The following TUT4 variants were observed in gnomAD, a reference collection of about 807,000 sequenced individuals.
The protein encoded by TUT4 is terminal uridylyl transferase 4.
A neutral mutation model predicts 192.2 loss-of-function variants in TUT4; 36 were observed. That is an observed-to-expected ratio of 0.19 (90% confidence interval 0.14 to 0.25). TUT4 has a LOEUF of 0.25. Among genes scored for constraint, TUT4 ranks in the 10% least tolerant of loss-of-function variants. The probability of loss-of-function intolerance (pLI) is 1.00; values close to 1 mark genes in which losing one functional copy is unlikely to be tolerated. For synonymous variants in TUT4, 618 were observed against 666.0 expected, an observed-to-expected ratio of 0.93 and a Z score of 1.11; for missense variants, 1,493 against 1,957.2, an observed-to-expected ratio of 0.76 and a Z score of 4.47.
At chr1:52,496,891 T>G in intron 5 of TUT4, 115 bp downstream of exon 5, 6 of 1,017,002 alleles carry the variant, frequency 5.9e-6, no homozygotes, top group Non-Finnish European at 6.9e-6. Context: ...ACAATAAATT[T>G]TATCTACTTT....
chr1:52,534,488 G>A (rs1405878184), intron 1 of TUT4, among the ~76,000 whole-genome samples: 1 of 152,104 alleles, frequency 6.6e-6, no homozygotes, highest in South Asian at 2.1e-4. Flanking sequence ...CCAACCAGAA[G>A]TAAATTTTAT....
At chr1:52,539,245 T>C (rs1163838263) in intron 1 of TUT4, among the ~76,000 whole-genome samples, 1 of 152,070 alleles carries the variant, frequency 6.6e-6, no homozygotes, top group Non-Finnish European at 1.5e-5. Flanking sequence ...GAAAGTAGAG[T>C]TGAATATCAC....
At chr1:52,543,844 T>C (rs879436915) in intron 1 of TUT4, among the ~76,000 whole-genome samples, 2 of 152,068 alleles carry the variant, frequency 1.3e-5, no homozygotes, top group Non-Finnish European at 2.9e-5. Context: ...GCAATCCCTA[T>C]CAAAATTCCA....
intron 19 of TUT4, among the ~76,000 whole-genome samples, chr1:52,459,779 G>A (rs1388614114): frequency 6.6e-6 from 1 of 151,544 alleles, no homozygotes; most frequent in Admixed American, 6.5e-5. Context: ...TACTCTGGAG[G>A]CTGAGGCAGG....
chr1:52,519,099 T>A (rs1457329701), intron 2 of TUT4, among the ~76,000 whole-genome samples: 3 of 152,076 alleles, frequency 2.0e-5, no homozygotes, highest in Non-Finnish European at 4.4e-5. Context: ...TTATTCAGAA[T>A]AATCAAAAGA....
chr1:52,481,617 T>C lies in TUT4; in HGVS notation c.1654A>G (p.Lys552Glu), dbSNP rs758064547. 6.2e-7 allele frequency: 1 copy of C among 1,613,482 alleles called. No individual in the cohort carries two copies. The highest frequency in any genetic ancestry group is 8.5e-7 in the Non-Finnish European group (1 of 1,179,926). Residue 552 changes from lysine to glutamate, a missense_variant, in exon 11 of 30, where the codon AAA becomes GAA. Transcript: ENST00000257177. ...TTCAGCTGAAAGTCATCCATTCTTTTTGGGTCAAAGCCTTCAATCTATATA... is the reference window on the plus strand; with the variant it reads ...TTCAGCTGAAAGTCATCCATTCTTTCTGGGTCAAAGCCTTCAATCTATATA... ...LGSWIEGFDP[K>E]RMDDFQLKGI...
At chr1:52,523,687 C>T (rs1367193500) in intron 2 of TUT4, among the ~76,000 whole-genome samples, 2 of 151,872 alleles carry the variant, frequency 1.3e-5, no homozygotes, top group Non-Finnish European at 2.9e-5. Flanking sequence ...CATATCTAAA[C>T]ATTACCAGTA....
intron 1 of TUT4, among the ~76,000 whole-genome samples, chr1:52,546,014 C>T (rs182740198): frequency 3.8e-4 from 58 of 151,574 alleles, no homozygotes; most frequent in African/African-American, 1.3e-3. Flanking sequence ...TCGCAAGCGC[C>T]CACAGTCCCA....
chr1:52,490,641 A>C lies in TUT4; in HGVS notation c.1388+91T>G. On this transcript the variant is annotated intron_variant, in intron 8 of 29. Transcript: ENST00000257177. ...TCATATTCATCCAAGGAGAAATCTAAAACAAAAACTTTTTCTCTTAAAGAT... is the reference window on the plus strand; with the variant it reads ...TCATATTCATCCAAGGAGAAATCTACAACAAAAACTTTTTCTCTTAAAGAT... 3 of 1,110,938 alleles carry C rather than the reference A, an allele frequency of 2.7e-6. No individual in the cohort carries two copies. In the South Asian group the frequency reaches 5.2e-5, roughly 19 times the overall value. The allele number at this position is 1,110,938 out of a possible 1,614,324, so 68.8% of individuals were successfully genotyped here. A position where few individuals can be genotyped will look rare whatever the true frequency, so the allele number is the denominator to read the frequency against.
intron 16 of TUT4, 156 bp from the exon 17 acceptor site, chr1:52,461,925 T>C (rs1007528213): frequency 2.0e-6 from 1 of 488,204 alleles, no homozygotes; most frequent in South Asian, 2.9e-5. Flanking sequence ...ACCTACAGTA[T>C]CAGCATAATC....
At chr1:52,534,725 T>C (rs1204205169) in intron 1 of TUT4, among the ~76,000 whole-genome samples, 1 of 149,158 alleles carries the variant, frequency 6.7e-6, no homozygotes, top group Non-Finnish European at 1.5e-5. Context: ...CAGCCAAATG[T>C]GGTGGCGCAT....
intron 4 of TUT4, among the ~76,000 whole-genome samples, chr1:52,502,469 C>T (rs959796482): frequency 3.3e-5 from 5 of 152,110 alleles, no homozygotes; most frequent in African/African-American, 9.7e-5. Flanking sequence ...TAATGAAATG[C>T]TCCATTTAAA....
chr1:52,525,622 T>C lies in TUT4; in HGVS notation c.659A>G (p.Asp220Gly). Residue 220 changes from aspartate (D) to glycine (G), a missense_variant, in exon 2 of 30, where the codon GAT becomes GGT. Coordinates refer to ENST00000257177, the MANE Select transcript of TUT4 (RefSeq NM_001009881.3). The part of the protein sequence containing the change: ...PRSQKQQTCT[D>G]NTGDSDDSAS... ...ACTATCATCAGAATCACCAGTATTA[T>C]CTGTACATGTCTGTTGCTTCTGAGA... is the stretch of plus-strand genomic sequence containing the variant. 6.2e-7 allele frequency: 1 copy of C among 1,614,138 alleles called. No homozygotes were observed. Among genetic ancestry groups the C allele is most frequent in the Middle Eastern group, 1.6e-4 (1 of 6,062 alleles).
chr1:52,445,737 G>T (rs1046802985), intron 24 of TUT4, 50 bp downstream of exon 24: 6 of 1,362,034 alleles, frequency 4.4e-6, no homozygotes. Flanking sequence ...TAAGTTTCTT[G>T]TTCTATTTAA....
In TUT4 at chr1:52,461,550, C is replaced by G; in HGVS notation, c.3194G>C (p.Ser1065Thr). Residue 1065 changes from serine (S) to threonine (T), a missense_variant, in exon 18 of 30, where the codon AGT (serine) becomes ACT (threonine). Physicochemically the swap from Ser to Thr is moderately conservative, Grantham distance 58. Transcript: ENST00000257177. ...TAAACTGATATCGCCTTCTAACCCACTTCGCCTGTGTTCAAATTTTACTAT... is the reference window on the plus strand; with the variant it reads ...TAAACTGATATCGCCTTCTAACCCAGTTCGCCTGTGTTCAAATTTTACTAT... ...VPIVKFEHRR[S>T]GLEGDISLYN... is the part of the protein sequence containing the mutation. The G allele has an allele frequency of 6.2e-7, 1 of 1,613,280 alleles. No individual in the cohort carries two copies. Among genetic ancestry groups the G allele is most frequent in the Non-Finnish European group, 8.5e-7 (1 of 1,179,622 alleles).
At chr1:52,546,968 CA>C (rs1688237861) in intron 1 of TUT4, among the ~76,000 whole-genome samples, 1 of 151,622 alleles carries the variant, frequency 6.6e-6, no homozygotes, top group Non-Finnish European at 1.5e-5. Flanking sequence ...CCTGTCTCTA[CA>C]AAAATAAATA....
At chr1:52,441,691 A>G (rs1374520311) in intron 24 of TUT4, among the ~76,000 whole-genome samples, 1 of 152,194 alleles carries the variant, frequency 6.6e-6, no homozygotes, top group African/African-American at 2.4e-5. Context: ...CACAGTACTG[A>G]AAGTCCAGTT....
At position 52,482,738 on chromosome 1, in the gene TUT4, C is replaced by A. The variant is rs78217479; in HGVS notation, c.1516-815G>T. ...GGCATGAGCCACCATGCCCAGCCAA[C>A]ACATTCTTTTAAATGCTTAAATTAT... On this transcript the variant is annotated intron_variant, in intron 9 of 29. Transcript: ENST00000257177. Among the ~76,000 whole-genome samples, 869 of 152,262 alleles carry A rather than the reference C, an allele frequency of 5.7e-3. 8 individuals carry two copies. The highest frequency in any genetic ancestry group is 0.02 in the African/African-American group (831 of 41,548).
chr1:52,480,987 T>C (rs906743323), intron 11 of TUT4, among the ~76,000 whole-genome samples: 1 of 152,186 alleles, frequency 6.6e-6, no homozygotes, highest in African/African-American at 2.4e-5. Flanking sequence ...TACCTTTGGT[T>C]CTCTAGCACT....
Sources: gnomAD v4.1 joint callset for allele counts (sites outside exome capture counted in the v4.1 genomes callset) on GRCh38, gnomAD v4.1.1 for gene constraint, MANE v1.5 for transcripts, NCBI Gene and HGNC (gene_info 2026-07-23, HGNC 2026-07-21) for gene names.